The following ANKRD44 variants were observed in gnomAD, a reference collection of about 807,000 sequenced individuals.
The protein encoded by ANKRD44 is serine/threonine-protein phosphatase 6 regulatory ankyrin repeat subunit B.
In ANKRD44, 35 loss-of-function variants were observed where a neutral mutation model predicts 116.0. The ratio of observed to expected loss-of-function variants is 0.30; its 90% CI spans 0.23 to 0.40. The LOEUF is 0.40. Ranked by LOEUF, ANKRD44 falls within the 10% of genes least tolerant of loss-of-function variation. The pLI, the probability that ANKRD44 is intolerant of heterozygous loss-of-function variation, is 1.00. For missense variants in ANKRD44, 1,014 were observed against 1,242.6 expected (o/e 0.82, Z 2.77); for synonymous variants, 435 against 461.8 (o/e 0.94, Z 0.74).
Position 197,186,612 on chromosome 2 carries a change from CTTTTTTTTTTTTTTTTTTTTTTT to C in ANKRD44, c.111+388_111+410del, listed in dbSNP as rs149107038. Among the ~76,000 whole-genome samples, 3 of 50,786 alleles carry C rather than the reference CTTTTTTTTTTTTTTTTTTTTTTT, an allele frequency of 5.9e-5. No individual in the cohort carries two copies. In the Admixed American group the frequency reaches 1.1e-3, roughly 19 times the overall value. The allele number at this position is 50,786 out of a possible 152,430, so 33.3% of individuals were successfully genotyped here. The stretch of plus-strand genomic sequence containing the variant: ...CCATCACTATGCCCGGCTAATTTTT[CTTTTTTTTTTTTTTTTTTTTTTT>C]TTTTTTTTTTTTAGAGACAGAGTTT... On this transcript the variant is annotated intron_variant, in intron 2 of 27. Coordinates refer to ENST00000282272, the MANE Select transcript of ANKRD44 (RefSeq NM_001195144.2).
rs541696363 is a variant in ANKRD44, at chr2:197,212,471, A to G, written c.28-25365T>C. Among the ~76,000 whole-genome samples, 1 of 152,330 alleles carries G rather than the reference A, an allele frequency of 6.6e-6. No homozygotes were observed. The highest frequency in any genetic ancestry group is 6.5e-5 in the Admixed American group (1 of 15,298). On this transcript the variant is annotated intron_variant, in intron 1 of 27. Coordinates refer to ENST00000282272, the MANE Select transcript of ANKRD44 (RefSeq NM_001195144.2). The surrounding 1 kb of genome is among the most constrained non-coding windows in gnomAD (Gnocchi z 4.8). ...AAATTCTCAGGAATCTACCAAGACC[A>G]TAAGTTTTAGAAGGGCAGGGATTCG...
At chr2:197,063,478 G>C (rs1383840319) in intron 16 of ANKRD44, among the ~76,000 whole-genome samples, 3 of 152,212 alleles carry the variant, frequency 2.0e-5, no homozygotes, top group Non-Finnish European at 4.4e-5. Context: ...GTTGAGAGAA[G>C]AAGGCTTCAG....
chr2:197,281,689 G>A (rs2083269810), intron 1 of ANKRD44, among the ~76,000 whole-genome samples: 1 of 152,126 alleles, frequency 6.6e-6, no homozygotes, highest in Admixed American at 6.6e-5. Flanking sequence ...GTAATAAGGT[G>A]ACGTTTACTG....
At chr2:197,070,693 G>A (rs182312446) in intron 16 of ANKRD44, among the ~76,000 whole-genome samples, 1 of 149,884 alleles carries the variant, frequency 6.7e-6, no homozygotes, top group African/African-American at 2.4e-5. Context: ...CATTGTGCTC[G>A]CTCTCGCTCT....
intron 1 of ANKRD44, among the ~76,000 whole-genome samples, chr2:197,236,770 T>C (rs2081988099): frequency 6.6e-6 from 1 of 150,450 alleles, no homozygotes; most frequent in African/African-American, 2.4e-5. Context: ...AAAGAGAAAT[T>C]TGACAGTAGC....
intron 1 of ANKRD44, among the ~76,000 whole-genome samples, chr2:197,298,803 G>T (rs7422899): frequency 1.3e-5 from 2 of 151,868 alleles, no homozygotes; most frequent in Non-Finnish European, 2.9e-5. Flanking sequence ...TGTAGTCCCA[G>T]GTACTCAGGA....
At chr2:197,240,691 GT>G (rs960220113) in intron 1 of ANKRD44, among the ~76,000 whole-genome samples, 2 of 143,548 alleles carry the variant, frequency 1.4e-5, no homozygotes, top group African/African-American at 2.6e-5. Context: ...CTTGAAGCAA[GT>G]TTTTTTTTTA....
chr2:197,242,842 G>A (rs1392853011), intron 1 of ANKRD44, among the ~76,000 whole-genome samples: 1 of 152,194 alleles, frequency 6.6e-6, no homozygotes, highest in African/African-American at 2.4e-5. Flanking sequence ...GCCCAAAGGG[G>A]AGAAACAGGG....
At position 197,184,639 on chromosome 2, in the gene ANKRD44, C is replaced by CAA. The variant is rs3057744; in HGVS notation, c.111+2382_111+2383dup. On this transcript the variant is annotated intron_variant, in intron 2 of 27. Coordinates refer to ENST00000282272, the MANE Select transcript of ANKRD44 (RefSeq NM_001195144.2). ...TGGGCAGCTGAGCGAGACTCCATCT[C>CAA]AAAAAAAAAAAAAAAAAAAAAAATC... Among the ~76,000 whole-genome samples the CAA allele has an allele frequency of 5.1e-3, 472 of 92,244 alleles. 1 individual carries two copies. Among genetic ancestry groups the CAA allele is most frequent in the Admixed American group, 0.019 (153 of 7,976 alleles). 60.5% of individuals were successfully genotyped at this position (92,244 alleles called of 152,430 possible).
intron 21 of ANKRD44, among the ~76,000 whole-genome samples, chr2:196,969,061 C>T (rs1477891343): frequency 1.3e-5 from 2 of 152,134 alleles, no homozygotes; most frequent in East Asian, 3.9e-4. Context: ...CATTCAGGCA[C>T]TGTGTTAGGT....
At chr2:197,163,046 T>C (rs2697250) in intron 2 of ANKRD44, among the ~76,000 whole-genome samples, 141,386 of 152,186 alleles carry the variant, frequency 0.93, 66,521 homozygotes, top group East Asian at 1. Context: ...TTCTCATCTA[T>C]CCCTAACCTT....
chr2:197,223,956 T>C (rs2081642388), intron 1 of ANKRD44, among the ~76,000 whole-genome samples: 1 of 150,578 alleles, frequency 6.6e-6, no homozygotes, highest in Admixed American at 6.7e-5. Context: ...CACGAAGGTA[T>C]AAACAAACCC....
At chr2:197,199,025 T>A (rs752725637) in intron 1 of ANKRD44, 4 of 152,182 alleles carry the variant, frequency 2.6e-5, no homozygotes, top group Non-Finnish European at 5.9e-5. Context: ...CCTTCTCTCT[T>A]GTGGCTTGCC....
chr2:197,200,401 C>G (rs1369990317), intron 1 of ANKRD44, among the ~76,000 whole-genome samples: 1 of 152,152 alleles, frequency 6.6e-6, no homozygotes, highest in Non-Finnish European at 1.5e-5. Flanking sequence ...GGGCACAGCA[C>G]TGACTTTAGA....
In ANKRD44 at chr2:196,988,725, C is replaced by G; in HGVS notation, c.*866G>C. The G allele has an allele frequency of 2.0e-6, 2 of 985,352 alleles. No homozygotes were observed. The highest frequency in any genetic ancestry group is 2.4e-6 in the Non-Finnish European group (2 of 829,914). The allele number at this position is 985,352 out of a possible 1,614,324, so 61.0% of individuals were successfully genotyped here. Reference sequence around the variant, plus strand: ...AACGTCAGAGAGTACTGCTCTAATTCGACACATTTCTTTTCTGTCTCTTCC... The same window carrying G: ...AACGTCAGAGAGTACTGCTCTAATTGGACACATTTCTTTTCTGTCTCTTCC... On this transcript the variant is annotated 3_prime_UTR_variant, in exon 28 of 28. Coordinates refer to ENST00000282272, the MANE Select transcript of ANKRD44 (RefSeq NM_001195144.2).
At chr2:197,023,435 C>A (rs1410417493) in intron 17 of ANKRD44, among the ~76,000 whole-genome samples, 1 of 152,140 alleles carries the variant, frequency 6.6e-6, no homozygotes, top group Non-Finnish European at 1.5e-5. Context: ...ACTTGATGTA[C>A]CTTTCCTGGG....
intron 1 of ANKRD44, among the ~76,000 whole-genome samples, chr2:197,242,664 C>T (rs2082113176): frequency 6.6e-6 from 1 of 152,200 alleles, no homozygotes; most frequent in African/African-American, 2.4e-5. Context: ...CTGGAATGGT[C>T]CCCGTCTTTC....
chr2:197,193,774 C>T (rs533239985), intron 1 of ANKRD44, among the ~76,000 whole-genome samples: 2 of 152,146 alleles, frequency 1.3e-5, no homozygotes, highest in South Asian at 4.2e-4. Context: ...CCCAGCTGCT[C>T]AGGAGGCTGA....
chr2:197,000,180 A>T (rs2076089438), intron 23 of ANKRD44, among the ~76,000 whole-genome samples: 1 of 152,208 alleles, frequency 6.6e-6, no homozygotes, highest in Admixed American at 6.5e-5. Context: ...TATGCATAAA[A>T]ATATTTAGGA....
Sources: allele counts gnomAD v4.1 joint callset (sites outside exome capture counted in the v4.1 genomes callset), GRCh38; gene constraint gnomAD v4.1.1; non-coding constraint Gnocchi (gnomAD v3.1); transcripts MANE v1.5; gene names NCBI Gene and HGNC (gene_info 2026-07-23, HGNC 2026-07-21).